Variants in PAX9 observed in about 807,000 individuals in gnomAD.
PAX9 encodes paired box protein Pax-9.
A neutral mutation model predicts 29.1 loss-of-function variants in PAX9; 6 were observed. The ratio of observed to expected loss-of-function variants is 0.21; its 90% CI spans 0.11 to 0.41. PAX9 has a LOEUF of 0.41. Among genes scored for constraint, PAX9 ranks in the 10% least tolerant of loss-of-function variants. The pLI is 1.00. For synonymous variants in PAX9, 217 were observed against 211.7 expected, an observed-to-expected ratio of 1.03 and a Z score of -0.22; for missense variants, 443 against 479.1, an observed-to-expected ratio of 0.92 and a Z score of 0.70.
Position 36,663,079 on chromosome 14 carries a change from A to G in PAX9, c.187A>G (p.Thr63Ala). The change falls in exon 2 of 4, where the codon ACG (threonine) becomes GCG (alanine). Residue 63 changes from threonine to alanine, a missense_variant. Physicochemically the swap from Thr to Ala is moderately conservative, Grantham distance 58. Around this residue, in one of 2 missense-constraint regions of PAX9, gnomAD observed 107 missense variants for 161.9 expected, o/e 0.66. Transcript: ENST00000361487. Reference protein sequence around the residue: ...VSKILARYNETGSILPGAIGG... With the variant: ...VSKILARYNEAGSILPGAIGG... ...CAAGATCCTGGCGCGATACAACGAG[A>G]CGGGCTCGATCTTGCCAGGAGCCAT... The G allele has an allele frequency of 1.2e-6, 2 of 1,613,854 alleles. No individual in the cohort carries two copies. Among genetic ancestry groups the G allele is most frequent in the Non-Finnish European group, 1.7e-6 (2 of 1,180,002 alleles).
In PAX9 at chr14:36,678,428, G is replaced by C. The variant is rs1032508360; in HGVS notation, c.*1976G>C. On this transcript the variant is annotated 3_prime_UTR_variant, in exon 4 of 4. Coordinates refer to ENST00000361487, the MANE Select transcript of PAX9 (RefSeq NM_001372076.1). ...AGCAGAAGGAGCAGATGAACTCTCA[G>C]GGCCATAGTCTTCCTTTGATCTTGT... 1.4e-6 allele frequency: 2 copies of C among 1,381,486 alleles called. No individual in the cohort carries two copies. Among genetic ancestry groups the C allele is most frequent in the African/African-American group, 2.9e-5 (2 of 69,842 alleles). The allele number at this position is 1,381,486 out of a possible 1,614,324, so 85.6% of individuals were successfully genotyped here.
rs1381812439 is a variant in PAX9, at chr14:36,663,252, G to A, written c.360G>A (p.Val120=). 1 of 1,614,138 alleles carries A rather than the reference G, an allele frequency of 6.2e-7. No homozygotes were observed. Among genetic ancestry groups the A allele is most frequent in the East Asian group, 2.2e-5 (1 of 44,868 alleles). The stretch of plus-strand genomic sequence containing the variant: ...GCGACAAGTACAATGTGCCCTCCGT[G>A]AGCTCCATCAGCCGCATTCTGCGCA... The part of the protein sequence containing the change: ...GVCDKYNVPS[V]SSISRILRNK... Residue 120 remains valine (V), a synonymous_variant, in exon 2 of 4, where the codon GTG becomes GTA. Transcript: ENST00000361487.
At chr14:36,658,371 C>CT (rs1164791359), upstream of PAX9, among the ~76,000 whole-genome samples, 2 of 133,776 alleles carry the variant, frequency 1.5e-5, no homozygotes, top group East Asian at 4.4e-4. Context: ...CTGGGCCTCG[C>CT]TTGGGGGGGG....
Position 36,678,323 on chromosome 14 carries a change from G to C in PAX9, c.*1871G>C, listed in dbSNP as rs1882005548. On this transcript the variant is annotated 3_prime_UTR_variant, in exon 4 of 4. Coordinates refer to ENST00000361487, the MANE Select transcript of PAX9 (RefSeq NM_001372076.1). ...TTTCAGACAGCAGATATCTTATAGA[G>C]AGCTTTGAACTGCATTTATTTCTAA... The C allele has an allele frequency of 1.6e-6, 1 of 619,420 alleles. No homozygotes were observed. The highest frequency in any genetic ancestry group is 2.7e-5 in the East Asian group (1 of 36,398). 38.4% of individuals were successfully genotyped at this position (619,420 alleles called of 1,614,324 possible).
intron 2 of PAX9, among the ~76,000 whole-genome samples, chr14:36,663,946 T>C (rs1297876961): frequency 6.6e-6 from 1 of 152,216 alleles, no homozygotes; most frequent in Non-Finnish European, 1.5e-5. Flanking sequence ...AGCAGCTTGC[T>C]TGGGGATCAC....
chr14:36,665,282 C>G (rs562280627), intron 2 of PAX9, among the ~76,000 whole-genome samples: 3 of 151,562 alleles, frequency 2.0e-5, no homozygotes, highest in African/African-American at 4.8e-5. Context: ...TGGAAAGGAG[C>G]AACTTTTCCT....
intron 2 of PAX9, 131 bp downstream of exon 2, chr14:36,663,654 G>C: frequency 1.7e-6 from 2 of 1,189,750 alleles, no homozygotes; most frequent in Non-Finnish European, 2.4e-6. Context: ...GGAAACGTAA[G>C]GAGTCTTCCT....
intron 3 of PAX9, 97 bp downstream of exon 3, chr14:36,666,698 G>C (rs567654154): frequency 1.2e-4 from 170 of 1,448,054 alleles, no homozygotes; most frequent in Non-Finnish European, 1.5e-4. Flanking sequence ...CTTCCCGCGA[G>C]AGAAGCCCAG....
rs570095195 is a variant in PAX9 at position 36,668,736 on chromosome 14, G to T, written c.771+2135G>T. On this transcript the variant is annotated intron_variant, in intron 3 of 3. Transcript: ENST00000361487. ...AATTATAGATCTAACATTGAAATTT[G>T]TTTGGAAATGCTTAATTTATAATAC... 2.7e-5 allele frequency among the ~76,000 whole-genome samples: 4 copies of T among 149,980 alleles called. No individual in the cohort carries two copies. In the South Asian group the frequency reaches 8.3e-4, roughly 31 times the overall value.
chr14:36,669,970 G>A (rs17104923), intron 3 of PAX9, among the ~76,000 whole-genome samples: 8 of 151,804 alleles, frequency 5.3e-5, no homozygotes, highest in Non-Finnish European at 1.2e-4. Flanking sequence ...CCTGATGGCC[G>A]GTTCTCTTCT....
In PAX9 at chr14:36,663,438, C is replaced by T; in HGVS notation, c.546C>T (p.Ile182=). The change falls in exon 2 of 4, where the codon ATC becomes ATT. Residue 182 remains isoleucine, a synonymous_variant. Transcript: ENST00000361487. The part of the protein sequence containing the change: ...KVPTPPGVPA[I]PGSVAMPRTW... ...CCACGCCACCCGGGGTGCCTGCCATCCCCGGTTCGGTGGCCATGCCGCGCA... is the reference window on the plus strand; with the variant it reads ...CCACGCCACCCGGGGTGCCTGCCATTCCCGGTTCGGTGGCCATGCCGCGCA... 1.2e-6 allele frequency: 2 copies of T among 1,613,028 alleles called. No individual in the cohort carries two copies. The highest frequency in any genetic ancestry group is 8.5e-7 in the Non-Finnish European group (1 of 1,179,750).
intron 3 of PAX9, among the ~76,000 whole-genome samples, chr14:36,669,117 T>C (rs1339827343): frequency 6.6e-6 from 1 of 152,208 alleles, no homozygotes; most frequent in Non-Finnish European, 1.5e-5. Context: ...AATTAGTGGC[T>C]ACTCTATGAT....
chr14:36,664,693 G>C (rs1444580761), intron 2 of PAX9, among the ~76,000 whole-genome samples: 1 of 151,606 alleles, frequency 6.6e-6, no homozygotes, highest in East Asian at 1.9e-4. Context: ...TCAGCCTAAA[G>C]TTTTAAAAGT....
upstream of PAX9, among the ~76,000 whole-genome samples, chr14:36,660,748 C>A (rs1881226001): frequency 6.6e-6 from 1 of 152,200 alleles, no homozygotes; most frequent in Non-Finnish European, 1.5e-5. Flanking sequence ...GAAAATATTT[C>A]TCTTCTTGTT....
In PAX9 at chr14:36,663,450, G is replaced by C. The variant is rs1301336203; in HGVS notation, c.558G>C (p.Val186=). The change falls in exon 2 of 4, where the codon GTG becomes GTC. Residue 186 remains valine, a synonymous_variant. Transcript: ENST00000361487. ...PPGVPAIPGS[V]AMPRTWPSSH... is the part of the protein sequence containing the mutation. ...GGGTGCCTGCCATCCCCGGTTCGGT[G>C]GCCATGCCGCGCACCTGGCCCTCCT... is the stretch of plus-strand genomic sequence containing the variant. The C allele has an allele frequency of 6.2e-7, 1 of 1,612,978 alleles. No individual in the cohort carries two copies. Among genetic ancestry groups the C allele is most frequent in the South Asian group, 1.1e-5 (1 of 91,064 alleles).
chr14:36,673,081 G>C (rs1195052977), intron 3 of PAX9, among the ~76,000 whole-genome samples: 3 of 151,446 alleles, frequency 2.0e-5, no homozygotes, highest in African/African-American at 7.3e-5. Flanking sequence ...GGCCAGGCTG[G>C]TCTTGAACTC....
At chr14:36,667,187 G>T (rs1221273508) in intron 3 of PAX9, among the ~76,000 whole-genome samples, 2 of 152,112 alleles carry the variant, frequency 1.3e-5, no homozygotes, top group East Asian at 3.9e-4. Context: ...CCATTTTCTC[G>T]ACTAAAGGTC....
At position 36,674,779 on chromosome 14, in the gene PAX9, C is replaced by T. The variant is rs78348632; in HGVS notation, c.772-1419C>T. 6.6e-3 allele frequency among the ~76,000 whole-genome samples: 1,012 copies of T among 152,288 alleles called. 6 individuals are homozygous for T. The highest frequency in any genetic ancestry group is 0.023 in the African/African-American group (968 of 41,560). On this transcript the variant is annotated intron_variant, in intron 3 of 3. Coordinates refer to ENST00000361487, the MANE Select transcript of PAX9 (RefSeq NM_001372076.1). ...TTTTCAAAGAACCAACATTGAAAAA[C>T]ACAACATGAGGTGTTTGTTCTTACA...
Position 36,663,141 on chromosome 14 carries a change from G to C in PAX9, c.249G>C (p.Val83=). 6.2e-7 allele frequency: 1 copy of C among 1,614,000 alleles called. No individual in the cohort carries two copies. Among genetic ancestry groups the C allele is most frequent in the Non-Finnish European group, 8.5e-7 (1 of 1,180,028 alleles). The change falls in exon 2 of 4, where the codon GTG becomes GTC. Residue 83 remains valine, a synonymous_variant. Coordinates refer to ENST00000361487, the MANE Select transcript of PAX9 (RefSeq NM_001372076.1). ...AGCCCCGGGTCACTACCCCCACCGTGGTGAAACACATCCGGACCTACAAGC... is the reference window on the plus strand; with the variant it reads ...AGCCCCGGGTCACTACCCCCACCGTCGTGAAACACATCCGGACCTACAAGC... ...GSKPRVTTPT[V]VKHIRTYKQR...
Sources: allele counts gnomAD v4.1 joint callset (sites outside exome capture counted in the v4.1 genomes callset), GRCh38; gene constraint gnomAD v4.1.1; regional missense constraint gnomAD v4.1.1; transcripts MANE v1.5; gene names NCBI Gene and HGNC (gene_info 2026-07-23, HGNC 2026-07-21).